The following BMPR1B variants were observed in gnomAD, a reference collection of about 807,000 sequenced individuals.
The protein encoded by BMPR1B is bone morphogenetic protein receptor type 1B.
A neutral mutation model predicts 59.1 loss-of-function variants in BMPR1B; 12 were observed. That is an observed-to-expected ratio of 0.20 (90% CI 0.13 to 0.33). BMPR1B has a LOEUF of 0.33. Among genes scored for constraint, BMPR1B ranks in the 10% least tolerant of loss-of-function variants. The pLI is 1.00. For synonymous variants in BMPR1B, 237 were observed against 207.3 expected (o/e 1.14, Z -1.23); for missense variants, 550 against 610.9 (o/e 0.90, Z 1.05).
At chr4:95,124,854 A>T in intron 7 of BMPR1B, 129 bp from the exon 8 acceptor site, 2 of 852,338 alleles carry the variant, frequency 2.3e-6, no homozygotes, top group Non-Finnish European at 3.7e-6. Context: ...AGAGTAAAAA[A>T]TATGAAGCAT....
At chr4:95,137,456 G>T (rs1733883457) in intron 10 of BMPR1B, among the ~76,000 whole-genome samples, 1 of 152,116 alleles carries the variant, frequency 6.6e-6, no homozygotes, top group South Asian at 2.1e-4. Context: ...TCAATTCCTG[G>T]ATATCCTTCT....
intron 3 of BMPR1B, among the ~76,000 whole-genome samples, chr4:95,085,778 T>C (rs1489560936): frequency 2.0e-5 from 3 of 152,226 alleles, no homozygotes; most frequent in Non-Finnish European, 4.4e-5. Context: ...TTCTGGGGCA[T>C]GAGCATTCAG....
At chr4:95,075,485 A>G (rs1728635254) in intron 3 of BMPR1B, among the ~76,000 whole-genome samples, 1 of 152,150 alleles carries the variant, frequency 6.6e-6, no homozygotes, top group Non-Finnish European at 1.5e-5. Context: ...ATAATCCTGT[A>G]TCATTTAATA....
chr4:95,120,999 G>A (rs1290838076), intron 6 of BMPR1B, among the ~76,000 whole-genome samples: 1 of 152,052 alleles, frequency 6.6e-6, no homozygotes, highest in East Asian at 1.9e-4. Context: ...GTAGAGACGG[G>A]GTTTTGCCAT....
chr4:94,917,364 T>C (rs1728523609), intron 2 of BMPR1B, among the ~76,000 whole-genome samples: 1 of 152,134 alleles, frequency 6.6e-6, no homozygotes, highest in Non-Finnish European at 1.5e-5. Context: ...AACTTCAACC[T>C]GTGAGAGCAG....
intron 4 of BMPR1B, among the ~76,000 whole-genome samples, chr4:95,114,023 C>T (rs887457255): frequency 2.0e-5 from 3 of 151,922 alleles, no homozygotes; most frequent in African/African-American, 7.3e-5. Context: ...TTTCTGTTGC[C>T]CATCTTTACC....
At position 95,084,677 on chromosome 4, in the gene BMPR1B, C is replaced by T. The variant is rs143657843; in HGVS notation, c.-17-19731C>T. 5.5e-3 allele frequency among the ~76,000 whole-genome samples: 834 copies of T among 152,274 alleles called. 10 individuals are homozygous for T. Among genetic ancestry groups the T allele is most frequent in the African/African-American group, 0.019 (799 of 41,558 alleles). ...GGTCATGGGAAAAGCAATCCCCATG[C>T]GGCATTACTACATTACAGTGTTGAC... On this transcript the variant is annotated intron_variant, in intron 3 of 12. Coordinates refer to ENST00000515059, the MANE Select transcript of BMPR1B (RefSeq NM_001203.3).
In BMPR1B at chr4:95,104,498, C is replaced by A. The variant is rs145700191; in HGVS notation, c.74C>A (p.Pro25His). The change falls in exon 4 of 13, where the codon CCC (proline) becomes CAC (histidine). Residue 25 changes from proline (P) to histidine (H), a missense_variant. Pro to His is a moderately conservative substitution (Grantham distance 77). Coordinates refer to ENST00000515059, the MANE Select transcript of BMPR1B (RefSeq NM_001203.3). ...KEDGESTAPT[P>H]RPKVLRCKCH... ...GATGGTGAGAGTACAGCCCCCACCC[C>A]CCGTCCAAAGGTCTTGCGTTGTAAA... The A allele has an allele frequency of 4.3e-6, 7 of 1,613,464 alleles. No individual in the cohort carries two copies. Among genetic ancestry groups the A allele is most frequent in the East Asian group, 4.5e-5 (2 of 44,850 alleles).
chr4:95,062,376 G>T (rs183332089), intron 3 of BMPR1B, among the ~76,000 whole-genome samples: 1 of 152,132 alleles, frequency 6.6e-6, no homozygotes, highest in Admixed American at 6.5e-5. Context: ...ACCACATTTA[G>T]ACTTTCATAA....
At chr4:95,107,467 C>G (rs930147715) in intron 4 of BMPR1B, among the ~76,000 whole-genome samples, 2 of 151,962 alleles carry the variant, frequency 1.3e-5, no homozygotes, top group African/African-American at 4.8e-5. Flanking sequence ...GAAAGAAAAA[C>G]AGCCACAGTA....
At chr4:94,837,806 G>A (rs377387349) in intron 1 of BMPR1B, among the ~76,000 whole-genome samples, 3,553 of 143,968 alleles carry the variant, frequency 0.025, 386 homozygotes, top group South Asian at 0.1. Context: ...TTGAATAGGA[G>A]TGGTGAGAGA....
intron 2 of BMPR1B, among the ~76,000 whole-genome samples, chr4:94,965,648 G>T (rs1578858795): frequency 6.6e-6 from 1 of 152,254 alleles, no homozygotes; most frequent in South Asian, 2.1e-4. Flanking sequence ...AATAACTTTT[G>T]TTAAAGGTTT....
intron 2 of BMPR1B, among the ~76,000 whole-genome samples, chr4:94,900,655 C>T (rs1727775959): frequency 6.6e-6 from 1 of 152,076 alleles, no homozygotes; most frequent in South Asian, 2.1e-4. Flanking sequence ...GAAGTTGGGA[C>T]AGCATAGAAG....
chr4:95,012,896 G>T (rs1296243178), intron 3 of BMPR1B, among the ~76,000 whole-genome samples: 1 of 151,996 alleles, frequency 6.6e-6, no homozygotes, highest in Non-Finnish European at 1.5e-5. Flanking sequence ...ACACAGTTTG[G>T]GTTAGTAATT....
At chr4:95,099,651 T>G (rs1232130006) in intron 3 of BMPR1B, among the ~76,000 whole-genome samples, 1 of 152,176 alleles carries the variant, frequency 6.6e-6, no homozygotes, top group Non-Finnish European at 1.5e-5. Flanking sequence ...TGCTTTTACA[T>G]AGTTGAAAGA....
chr4:95,106,444 G>A (rs568936258), intron 4 of BMPR1B, among the ~76,000 whole-genome samples: 1 of 152,166 alleles, frequency 6.6e-6, no homozygotes, highest in East Asian at 1.9e-4. Context: ...TTGAGCTAGG[G>A]TGGTGCTGGT....
rs1336680209 is a variant in BMPR1B at position 94,949,608 on chromosome 4, G to A, written c.-112-46432G>A. 5.3e-5 allele frequency among the ~76,000 whole-genome samples: 2 copies of A among 37,948 alleles called. 1 individual carries two copies. The highest frequency in any genetic ancestry group is 2.7e-4 in the African/African-American group (2 of 7,540). 24.9% of individuals were successfully genotyped at this position (37,948 alleles called of 152,430 possible). A position where few individuals can be genotyped will look rare whatever the true frequency, so the allele number is the denominator to read the frequency against. On this transcript the variant is annotated intron_variant, in intron 2 of 12. Coordinates refer to ENST00000515059, the MANE Select transcript of BMPR1B (RefSeq NM_001203.3). ...TGGGATTACAGGCGTGAGCCACCGCGCCCGGCCTGAACTCATTCTTTTTTA... is the reference window on the plus strand; with the variant it reads ...TGGGATTACAGGCGTGAGCCACCGCACCCGGCCTGAACTCATTCTTTTTTA...
chr4:95,058,021 A>G (rs1212319686), intron 3 of BMPR1B, among the ~76,000 whole-genome samples: 1 of 152,186 alleles, frequency 6.6e-6, no homozygotes, highest in African/African-American at 2.4e-5. Context: ...CGGGATGTCA[A>G]CGTGGTGGCA....
intron 3 of BMPR1B, among the ~76,000 whole-genome samples, chr4:95,085,221 G>A (rs551323678): frequency 1.3e-5 from 2 of 152,144 alleles, no homozygotes; most frequent in Non-Finnish European, 2.9e-5. Flanking sequence ...CTCTGTGAGA[G>A]GGACTGTGGC....
Sources: allele counts gnomAD v4.1 joint callset (sites outside exome capture counted in the v4.1 genomes callset), GRCh38; gene constraint gnomAD v4.1.1; transcripts MANE v1.5; gene names NCBI Gene and HGNC (gene_info 2026-07-23, HGNC 2026-07-21).